Variants in TBC1D5 observed in about 807,000 individuals in gnomAD.
TBC1D5 encodes TBC1 domain family member 5, also known as TBC1 domain family, member 5.
TBC1D5 carries 75 observed loss-of-function variants against 100.3 expected under a neutral mutation model. That is an observed-to-expected ratio of 0.75 (90% CI 0.62 to 0.91). The LOEUF is 0.91. Among genes scored for constraint, TBC1D5 ranks in the 40% least tolerant of loss-of-function variants. TBC1D5 has a pLI of 0.00. For synonymous variants in TBC1D5, 323 were observed against 325.6 expected, an observed-to-expected ratio of 0.99 and a Z score of 0.09; for missense variants, 910 against 942.4, an observed-to-expected ratio of 0.97 and a Z score of 0.45.
intron 14 of TBC1D5, among the ~76,000 whole-genome samples, chr3:17,299,558 G>A (rs2082607687): frequency 6.6e-6 from 1 of 152,038 alleles, no homozygotes; most frequent in Non-Finnish European, 1.5e-5. Context: ...TTTATCAAGT[G>A]TAAAAAATGT....
intron 16 of TBC1D5, among the ~76,000 whole-genome samples, chr3:17,255,580 A>G (rs2077568996): frequency 6.6e-6 from 1 of 152,076 alleles, no homozygotes; most frequent in Non-Finnish European, 1.5e-5. Flanking sequence ...TCCACTACAA[A>G]TATTTTCCTA....
intron 1 of TBC1D5, among the ~76,000 whole-genome samples, chr3:17,688,971 C>T (rs2070714165): frequency 6.6e-6 from 1 of 152,122 alleles, no homozygotes; most frequent in Admixed American, 6.5e-5. Context: ...AGAGTTACTA[C>T]TGGGTACACA....
At chr3:17,636,148 C>T (rs932532012) in intron 1 of TBC1D5, among the ~76,000 whole-genome samples, 6 of 151,800 alleles carry the variant, frequency 4.0e-5, no homozygotes, top group African/African-American at 1.5e-4. Context: ...AATTTCGCTG[C>T]TGTACTCTAG....
intron 3 of TBC1D5, among the ~76,000 whole-genome samples, chr3:17,498,878 T>A (rs1049843780): frequency 2.0e-5 from 3 of 151,894 alleles, no homozygotes; most frequent in Non-Finnish European, 4.4e-5. Context: ...TCAGCTATAT[T>A]AAAAAAAATG....
intron 1 of TBC1D5, among the ~76,000 whole-genome samples, chr3:17,719,933 C>T (rs1267037346): frequency 1.3e-5 from 2 of 152,094 alleles, no homozygotes; most frequent in Non-Finnish European, 2.9e-5. Flanking sequence ...AATCCTAACA[C>T]TCTTTAAAGT....
chr3:17,522,080 C>A (rs1197409798), intron 2 of TBC1D5, among the ~76,000 whole-genome samples: 1 of 151,890 alleles, frequency 6.6e-6, no homozygotes, highest in Admixed American at 6.6e-5. Flanking sequence ...CCAAACATAA[C>A]ATATAAATAT....
chr3:17,388,721 G>A (rs2093254794), intron 8 of TBC1D5, among the ~76,000 whole-genome samples: 1 of 151,670 alleles, frequency 6.6e-6, no homozygotes, highest in African/African-American at 2.4e-5. Flanking sequence ...AAATTAGCTG[G>A]GTATGATGGC....
At chr3:17,723,090 T>C (rs2075833958) in intron 1 of TBC1D5, among the ~76,000 whole-genome samples, 1 of 152,230 alleles carries the variant, frequency 6.6e-6, no homozygotes, top group Non-Finnish European at 1.5e-5. Flanking sequence ...CCTACTATTA[T>C]ATAGTGCAAC....
chr3:17,481,134 T>G (rs1041043404), intron 3 of TBC1D5, among the ~76,000 whole-genome samples: 1 of 152,234 alleles, frequency 6.6e-6, no homozygotes, highest in Non-Finnish European at 1.5e-5. Context: ...CTCGTCCAGA[T>G]GTGGGTGCCC....
At chr3:17,378,697 A>G (rs768949529) in intron 9 of TBC1D5, among the ~76,000 whole-genome samples, 3 of 150,628 alleles carry the variant, frequency 2.0e-5, no homozygotes, top group Non-Finnish European at 4.4e-5. Context: ...ATCATTCTTC[A>G]TGGTTTCTAT....
intron 13 of TBC1D5, among the ~76,000 whole-genome samples, chr3:17,317,939 G>A (rs1392492378): frequency 6.6e-6 from 1 of 151,910 alleles, no homozygotes; most frequent in African/African-American, 2.4e-5. Flanking sequence ...TATGTTTATT[G>A]CGGCACTATT....
At chr3:17,455,230 T>TA (rs1453690269) in intron 3 of TBC1D5, among the ~76,000 whole-genome samples, 3 of 129,908 alleles carry the variant, frequency 2.3e-5, no homozygotes, top group African/African-American at 1.0e-4. Context: ...ATATTATATA[T>TA]TGTATACATA....
At chr3:17,696,863 C>A (rs1471698738) in intron 1 of TBC1D5, among the ~76,000 whole-genome samples, 1 of 152,188 alleles carries the variant, frequency 6.6e-6, no homozygotes, top group Non-Finnish European at 1.5e-5. Context: ...CAATAAAATA[C>A]TGGCAAACCG....
chr3:17,695,700 GT>G (rs1168492783), intron 1 of TBC1D5, among the ~76,000 whole-genome samples: 2 of 152,094 alleles, frequency 1.3e-5, no homozygotes, highest in Non-Finnish European at 2.9e-5. Context: ...AAGACAGAAG[GT>G]TAACAAAGAT....
At chr3:17,173,855 A>T (rs2067418791) in intron 19 of TBC1D5, among the ~76,000 whole-genome samples, 1 of 152,200 alleles carries the variant, frequency 6.6e-6, no homozygotes, top group South Asian at 2.1e-4. Flanking sequence ...CAGTGGCTTA[A>T]GAGGTGGCCA....
chr3:17,199,556 A>T (rs1330883971), intron 18 of TBC1D5, among the ~76,000 whole-genome samples: 1 of 152,240 alleles, frequency 6.6e-6, no homozygotes, highest in Non-Finnish European at 1.5e-5. Flanking sequence ...AACTGAGAAC[A>T]TCCCAAAGTT....
intron 17 of TBC1D5, among the ~76,000 whole-genome samples, chr3:17,231,423 G>A (rs2148890642): frequency 6.6e-6 from 1 of 151,296 alleles, no homozygotes; most frequent in Non-Finnish European, 1.5e-5. Context: ...CTTATATTCA[G>A]GTTTTTTCTT....
exon 19 of TBC1D5, chr3:17,185,127 C>A (rs748115441): frequency 1.2e-6 from 2 of 1,613,006 alleles, no homozygotes; most frequent in Non-Finnish European, 1.7e-6. Context: ...GTGTCCATCA[C>A]CTTTGCACAG....
chr3:17,517,457 C>T (rs889467245), intron 2 of TBC1D5, among the ~76,000 whole-genome samples: 1 of 152,062 alleles, frequency 6.6e-6, no homozygotes, highest in African/African-American at 2.4e-5. Flanking sequence ...GCAAGCTTTA[C>T]AAAGTTAACC....
Sources: allele counts gnomAD v4.1 joint callset (sites outside exome capture counted in the v4.1 genomes callset), GRCh38; gene constraint gnomAD v4.1.1; transcripts MANE v1.5; gene names NCBI Gene and HGNC (gene_info 2026-07-23, HGNC 2026-07-21).